Variants in HNRNPH3 observed in about 807,000 individuals in gnomAD.
HNRNPH3 encodes heterogeneous nuclear ribonucleoprotein H3.
Under a neutral mutation model 47.0 loss-of-function variants are expected in HNRNPH3, and 7 were observed. The observed-to-expected ratio is 0.15, with a 90% CI of 0.08 to 0.28. HNRNPH3 has a LOEUF of 0.28. HNRNPH3 is among the 10% of genes least tolerant of loss of function. The probability of loss-of-function intolerance (pLI) is 1.00; values close to 1 mark genes in which losing one functional copy is unlikely to be tolerated. For missense variants in HNRNPH3, 279 were observed against 449.6 expected (o/e 0.62, Z 3.43); for synonymous variants, 120 against 143.2 (o/e 0.84, Z 1.16).
intron 5 of HNRNPH3, 26 bp downstream of exon 5, chr10:68,339,252 T>G: frequency 6.3e-7 from 1 of 1,577,862 alleles, no homozygotes; most frequent in Non-Finnish European, 8.7e-7. Flanking sequence ...AAGACATTTT[T>G]ATTCATAGGT....
chr10:68,334,241 A>G (rs1390471393), intron 1 of HNRNPH3, among the ~76,000 whole-genome samples: 1 of 152,226 alleles, frequency 6.6e-6, no homozygotes, highest in Non-Finnish European at 1.5e-5. Context: ...AATCATCAGC[A>G]CTTTTTCCAA....
intron 3 of HNRNPH3, 36 bp from the exon 4 acceptor site, chr10:68,338,467 A>G: frequency 7.2e-7 from 1 of 1,395,168 alleles, no homozygotes; most frequent in Non-Finnish European, 1.0e-6. Flanking sequence ...TAATACATTT[A>G]TGCTGAAACC....
intron 1 of HNRNPH3, among the ~76,000 whole-genome samples, chr10:68,335,525 C>T (rs2045503106): frequency 6.6e-6 from 1 of 151,712 alleles, no homozygotes; most frequent in East Asian, 1.9e-4. Flanking sequence ...CAGAGCTACT[C>T]TTTAGAATAG....
At chr10:68,339,579 A>G in intron 6 of HNRNPH3, 24 bp downstream of exon 6, 1 of 1,428,774 alleles carries the variant, frequency 7.0e-7, no homozygotes, top group Non-Finnish European at 9.8e-7. Flanking sequence ...AATAACTATT[A>G]GTGGTTTTAT....
At chr10:68,338,339 T>G (rs530938460) in intron 3 of HNRNPH3, 164 bp from the exon 4 acceptor site, 2 of 477,682 alleles carry the variant, frequency 4.2e-6, no homozygotes, top group African/African-American at 3.9e-5. Context: ...AACTTAAATA[T>G]TTAATTAAGT....
At chr10:68,335,486 T>C (rs1042570702) in intron 1 of HNRNPH3, among the ~76,000 whole-genome samples, 41 of 152,166 alleles carry the variant, frequency 2.7e-4, no homozygotes, top group African/African-American at 7.2e-4. Context: ...TTTTTTTTTT[T>C]CCCAAACTGG....
rs1233038879 is a variant in HNRNPH3 at position 68,343,052 on chromosome 10, T to G, written c.*998T>G. ...TAGCAAGGAAAAGGTGCTTTTTAAT[T>G]TTAATCCCTTTGATCAATATGGCTT... On this transcript the variant is annotated 3_prime_UTR_variant, in exon 10 of 10. Transcript: ENST00000265866. 1.3e-5 allele frequency: 2 copies of G among 152,222 alleles called. No homozygotes were observed. Among genetic ancestry groups the G allele is most frequent in the Non-Finnish European group, 2.9e-5 (2 of 68,028 alleles). The allele number at this position is 152,222 out of a possible 1,614,324, so 9.4% of individuals were successfully genotyped here. A position where few individuals can be genotyped will look rare whatever the true frequency, so the allele number is the denominator to read the frequency against.
intron 1 of HNRNPH3, among the ~76,000 whole-genome samples, chr10:68,335,662 C>T (rs1311207273): frequency 6.6e-6 from 1 of 152,154 alleles, no homozygotes; most frequent in Non-Finnish European, 1.5e-5. Context: ...GTATAGCTCA[C>T]TGGCTTTTGC....
At chr10:68,340,776 G>GAT (rs978137708) in intron 6 of HNRNPH3, among the ~76,000 whole-genome samples, 6 of 151,256 alleles carry the variant, frequency 4.0e-5, no homozygotes, top group African/African-American at 1.5e-4. Flanking sequence ...TCCAAATCAT[G>GAT]ATATCCCGTA....
intron 1 of HNRNPH3, among the ~76,000 whole-genome samples, chr10:68,333,442 T>G (rs569576867): frequency 1.1e-4 from 8 of 75,770 alleles, no homozygotes; most frequent in African/African-American, 4.2e-4. Context: ...TTCCAAGAGT[T>G]GTATTTTGTG....
intron 7 of HNRNPH3, 70 bp downstream of exon 7, chr10:68,341,379 C>G: frequency 7.5e-6 from 11 of 1,476,428 alleles, no homozygotes; most frequent in Non-Finnish European, 1.0e-5. Context: ...GCTCTAAGAT[C>G]TGTAGGTAAC....
intron 1 of HNRNPH3, among the ~76,000 whole-genome samples, chr10:68,335,110 C>G (rs2045470431): frequency 6.6e-6 from 1 of 151,896 alleles, no homozygotes; most frequent in Non-Finnish European, 1.5e-5. Context: ...ACTGATAACA[C>G]TTTTTTTGTT....
At position 68,341,152 on chromosome 10, in the gene HNRNPH3, ATAAG is replaced by A. The variant is rs1320750726; in HGVS notation, c.640-20_640-17del. 4.0e-6 allele frequency: 6 copies of A among 1,504,888 alleles called. No homozygotes were observed. Among genetic ancestry groups the A allele is most frequent in the Non-Finnish European group, 9.0e-7 (1 of 1,115,448 alleles). The allele number at this position is 1,504,888 out of a possible 1,614,324, so 93.2% of individuals were successfully genotyped here. ...TTTAATATTCTCAATAGAAAAGTAA[ATAAG>A]TGTTTCCTTTTATTTAGTTCTTCTC... On this transcript the variant is annotated intron_variant, in intron 6 of 9. Transcript: ENST00000265866.
chr10:68,334,554 A>G (rs1229304610), intron 1 of HNRNPH3, among the ~76,000 whole-genome samples: 1 of 152,216 alleles, frequency 6.6e-6, no homozygotes, highest in Non-Finnish European at 1.5e-5. Context: ...AAAGATATCC[A>G]TACCCTTTAC....
chr10:68,341,280 C>T lies in HNRNPH3; in HGVS notation c.746C>T (p.Ala249Val). Residue 249 changes from alanine (A) to valine (V), a missense_variant, in exon 7 of 10, where the codon GCT becomes GTT. Physicochemically the swap from Ala to Val is moderately conservative, Grantham distance 64. This residue lies in a region of HNRNPH3 where 239 missense variants were observed against 335.8 expected (regional missense o/e 0.71). Coordinates refer to ENST00000265866, the MANE Select transcript of HNRNPH3 (RefSeq NM_012207.3). The stretch of plus-strand genomic sequence containing the variant: ...TTTGTGACACATGAAGATGCAGTAG[C>T]TGCCATGTCTAAAGATAAAAATAAC... ...VEFVTHEDAV[A>V]AMSKDKNNMQ... 6.2e-7 allele frequency: 1 copy of T among 1,603,436 alleles called. No individual in the cohort carries two copies. The highest frequency in any genetic ancestry group is 1.1e-5 in the South Asian group (1 of 88,300).
Position 68,337,320 on chromosome 10 carries a change from T to A in HNRNPH3, c.99T>A (p.Val33=). 1 of 1,592,850 alleles carries A rather than the reference T, an allele frequency of 6.3e-7. No homozygotes were observed. The highest frequency in any genetic ancestry group is 8.6e-7 in the Non-Finnish European group (1 of 1,160,750). ...TTGGTTGCAGCAAAGAGGAAATAGTTCAGTTCTTTCAAGGTACCTCTAGTA... is the reference window on the plus strand; with the variant it reads ...TTGGTTGCAGCAAAGAGGAAATAGTACAGTTCTTTCAAGGTACCTCTAGTA... ...LPFGCSKEEI[V]QFFQGLEIVP... Residue 33 remains valine, a synonymous_variant, in exon 2 of 10, where the codon GTT becomes GTA. Coordinates refer to ENST00000265866, the MANE Select transcript of HNRNPH3 (RefSeq NM_012207.3). The surrounding 1 kb of genome is among the most constrained non-coding windows in gnomAD (Gnocchi z 4.5).
In HNRNPH3 at chr10:68,332,221, C is replaced by T. The variant is rs1400016386; in HGVS notation, c.-24+5C>T. 6.6e-6 allele frequency: 1 copy of T among 152,310 alleles called. No individual in the cohort carries two copies. Among genetic ancestry groups the T allele is most frequent in the Non-Finnish European group, 1.5e-5 (1 of 68,120 alleles). 9.4% of individuals were successfully genotyped at this position (152,310 alleles called of 1,614,324 possible). A position where few individuals can be genotyped will look rare whatever the true frequency, so the allele number is the denominator to read the frequency against. ...GCGTAACTATCGCCTGACAGGGTAT[C>T]TGAAGTAAAAGGGGGTAGGTTGGGC... On this transcript the variant is annotated splice_donor_5th_base_variant and intron_variant, in intron 1 of 9. Coordinates refer to ENST00000265866, the MANE Select transcript of HNRNPH3 (RefSeq NM_012207.3).
Position 68,337,108 on chromosome 10 carries a change from C to T in HNRNPH3, c.-23-91C>T. On this transcript the variant is annotated intron_variant, in intron 1 of 9. Transcript: ENST00000265866. The surrounding 1 kb of genome is among the most constrained non-coding windows in gnomAD (Gnocchi z 4.5). The stretch of plus-strand genomic sequence containing the variant: ...CAGTTGGCCCCATGTTACATTTCCT[C>T]TTGTGGCACCTCTGAGAGGTGTTTC... 3.4e-6 allele frequency: 2 copies of T among 588,706 alleles called. No individual in the cohort carries two copies. Among genetic ancestry groups the T allele is most frequent in the Non-Finnish European group, 6.0e-6 (2 of 331,606 alleles). The allele number at this position is 588,706 out of a possible 1,614,324, so 36.5% of individuals were successfully genotyped here. A position where few individuals can be genotyped will look rare whatever the true frequency, so the allele number is the denominator to read the frequency against.
rs2046064072 is a variant in HNRNPH3, at chr10:68,343,117, A to G, written c.*1063A>G. ...TAATGGATCAAAATGAAACCTGTTG[A>G]TGTGAATTCAGTTATTGAACTTGTT... is the stretch of plus-strand genomic sequence containing the variant. On this transcript the variant is annotated 3_prime_UTR_variant, in exon 10 of 10. Transcript: ENST00000265866. 1 of 152,186 alleles carries G rather than the reference A, an allele frequency of 6.6e-6. No individual in the cohort carries two copies. The highest frequency in any genetic ancestry group is 1.9e-4 in the East Asian group (1 of 5,200). The allele number at this position is 152,186 out of a possible 1,614,324, so 9.4% of individuals were successfully genotyped here. A position where few individuals can be genotyped will look rare whatever the true frequency, so the allele number is the denominator to read the frequency against.
Sources: allele counts gnomAD v4.1 joint callset (sites outside exome capture counted in the v4.1 genomes callset), GRCh38; gene constraint gnomAD v4.1.1; regional missense constraint gnomAD v4.1.1; non-coding constraint Gnocchi (gnomAD v3.1); transcripts MANE v1.5; gene names NCBI Gene and HGNC (gene_info 2026-07-23, HGNC 2026-07-21).